The following FSTL5 variants were observed in gnomAD, a reference collection of about 807,000 sequenced individuals.
The protein encoded by FSTL5 is follistatin-related protein 5.
FSTL5 carries 62 observed loss-of-function variants against 89.1 expected under a neutral mutation model. The ratio of observed to expected loss-of-function variants is 0.70; its 90% CI spans 0.57 to 0.86. The LOEUF (loss-of-function observed/expected upper bound fraction) is 0.86. Among genes scored for constraint, FSTL5 ranks in the 40% least tolerant of loss-of-function variants. The pLI is 0.00. For synonymous variants in FSTL5, 383 were observed against 346.2 expected, an observed-to-expected ratio of 1.11 and a Z score of -1.18; for missense variants, 1,057 against 1,001.6, an observed-to-expected ratio of 1.06 and a Z score of -0.75.
chr4:162,032,598 C>A (rs1301016842), intron 3 of FSTL5: 1 of 151,976 alleles, frequency 6.6e-6, no homozygotes, highest in Non-Finnish European at 1.5e-5. Context: ...ACACAGATGA[C>A]CCAACATGGA....
At chr4:161,551,404 G>A (rs1732207629) in intron 8 of FSTL5, among the ~76,000 whole-genome samples, 2 of 149,164 alleles carry the variant, frequency 1.3e-5, no homozygotes, top group African/African-American at 2.5e-5. Flanking sequence ...GTCTGTTCAT[G>A]TCCTTTGTCC....
intron 2 of FSTL5, among the ~76,000 whole-genome samples, chr4:162,110,972 G>A (rs1005866436): frequency 6.6e-6 from 1 of 151,736 alleles, no homozygotes; most frequent in African/African-American, 2.4e-5. Flanking sequence ...TAAATTATCT[G>A]GTAGATTGGG....
chr4:161,658,238 C>A (rs116381302), intron 6 of FSTL5, among the ~76,000 whole-genome samples: 4 of 151,572 alleles, frequency 2.6e-5, no homozygotes, highest in African/African-American at 9.7e-5. Context: ...CAGAGGCAGG[C>A]GGATCACTTG....
rs192454743 is a variant in FSTL5, at chr4:162,007,142, A to G, written c.160+26483T>C. On this transcript the variant is annotated intron_variant, in intron 3 of 15. Coordinates refer to ENST00000306100, the MANE Select transcript of FSTL5 (RefSeq NM_020116.5). Reference sequence around the variant, plus strand: ...TATAAGTTGTTATAAAGAAAATTTTAAAAAGATAGTTGTTTAATTTAAAAT... The same window carrying G: ...TATAAGTTGTTATAAAGAAAATTTTGAAAAGATAGTTGTTTAATTTAAAAT... Among the ~76,000 whole-genome samples, 117 of 151,954 alleles carry G rather than the reference A, an allele frequency of 7.7e-4. 1 individual carries two copies. The highest frequency in any genetic ancestry group is 2.8e-3 in the African/African-American group (115 of 41,538).
At chr4:161,990,020 T>C (rs890320499) in intron 3 of FSTL5, among the ~76,000 whole-genome samples, 2 of 152,192 alleles carry the variant, frequency 1.3e-5, no homozygotes, top group Non-Finnish European at 2.9e-5. Context: ...TTTTTTGACT[T>C]GTGTTAAATA....
chr4:161,543,338 A>G (rs1362986546), intron 8 of FSTL5, among the ~76,000 whole-genome samples: 2 of 152,000 alleles, frequency 1.3e-5, no homozygotes, highest in African/African-American at 4.8e-5. Context: ...GATTGGTAAC[A>G]TGGTACAAAC....
intron 8 of FSTL5, among the ~76,000 whole-genome samples, chr4:161,562,057 G>C (rs1475552575): frequency 6.6e-6 from 1 of 152,030 alleles, no homozygotes; most frequent in Non-Finnish European, 1.5e-5. Flanking sequence ...TGGAGGCGAT[G>C]AGAATGGACA....
chr4:162,125,416 T>G (rs1732040996), intron 1 of FSTL5, among the ~76,000 whole-genome samples: 1 of 152,164 alleles, frequency 6.6e-6, no homozygotes, highest in Non-Finnish European at 1.5e-5. Flanking sequence ...AGATTTTATT[T>G]TATTCTTGTA....
At chr4:161,570,644 G>T (rs180846247) in intron 8 of FSTL5, among the ~76,000 whole-genome samples, 1 of 152,176 alleles carries the variant, frequency 6.6e-6, no homozygotes, top group Non-Finnish European at 1.5e-5. Flanking sequence ...ATTCCTAATA[G>T]TTCAGAGATC....
At chr4:161,589,706 A>G (rs1004097058) in intron 7 of FSTL5, among the ~76,000 whole-genome samples, 1 of 152,062 alleles carries the variant, frequency 6.6e-6, no homozygotes, top group Non-Finnish European at 1.5e-5. Context: ...AGAGAGCAAC[A>G]GTTTGACTAA....
chr4:161,859,808 C>T (rs1731842620), intron 4 of FSTL5, among the ~76,000 whole-genome samples: 2 of 152,056 alleles, frequency 1.3e-5, no homozygotes, highest in Non-Finnish European at 2.9e-5. Flanking sequence ...CAGAGGGCTG[C>T]TGGAGTGTGT....
At chr4:161,505,238 G>A (rs2126491872) in intron 11 of FSTL5, among the ~76,000 whole-genome samples, 1 of 152,266 alleles carries the variant, frequency 6.6e-6, no homozygotes, top group Admixed American at 6.5e-5. Flanking sequence ...AGCACGGATA[G>A]ATCTTTGGTT....
intron 4 of FSTL5, among the ~76,000 whole-genome samples, chr4:161,801,611 C>A (rs1326751545): frequency 6.6e-6 from 1 of 151,304 alleles, no homozygotes; most frequent in Non-Finnish European, 1.5e-5. Flanking sequence ...ATACTATTAA[C>A]ACTCAGAATT....
intron 2 of FSTL5, among the ~76,000 whole-genome samples, chr4:162,045,824 A>G (rs1738151913): frequency 6.6e-6 from 1 of 152,200 alleles, no homozygotes. Flanking sequence ...AATTTTTTAA[A>G]TGACTGGACA....
chr4:162,088,730 A>C (rs1236660198), intron 2 of FSTL5, among the ~76,000 whole-genome samples: 1 of 152,170 alleles, frequency 6.6e-6, no homozygotes, highest in Non-Finnish European at 1.5e-5. Context: ...AAAATCTTTA[A>C]GTAAGGAAAA....
intron 7 of FSTL5, among the ~76,000 whole-genome samples, chr4:161,619,339 T>C (rs1276049957): frequency 6.6e-6 from 1 of 151,964 alleles, no homozygotes; most frequent in Non-Finnish European, 1.5e-5. Flanking sequence ...AATTGACAAA[T>C]GGGATCTAAT....
chr4:161,866,213 T>C (rs934787103), intron 4 of FSTL5, among the ~76,000 whole-genome samples: 4 of 152,210 alleles, frequency 2.6e-5, no homozygotes, highest in African/African-American at 9.6e-5. Context: ...TTTATGAAAT[T>C]ACTTTCTGGA....
At chr4:161,909,743 C>T (rs930744363) in intron 4 of FSTL5, among the ~76,000 whole-genome samples, 1 of 152,098 alleles carries the variant, frequency 6.6e-6, no homozygotes, top group African/African-American at 2.4e-5. Flanking sequence ...ATGCTCTCAT[C>T]TAAAGCTAAA....
chr4:161,715,668 A>G (rs936360389), intron 6 of FSTL5, among the ~76,000 whole-genome samples: 1 of 152,134 alleles, frequency 6.6e-6, no homozygotes, highest in South Asian at 2.1e-4. Flanking sequence ...GTTCCATCTC[A>G]ATAGCTCCAC....
Sources: allele counts gnomAD v4.1 joint callset (sites outside exome capture counted in the v4.1 genomes callset), GRCh38; gene constraint gnomAD v4.1.1; transcripts MANE v1.5; gene names NCBI Gene and HGNC (gene_info 2026-07-23, HGNC 2026-07-21).